Variants in SLIT1 observed in about 807,000 individuals in gnomAD.
SLIT1 encodes the protein slit guidance ligand 1.
Under a neutral mutation model 186.1 loss-of-function variants are expected in SLIT1, and 66 were observed. The observed-to-expected ratio is 0.35, with a 90% CI of 0.29 to 0.44. The LOEUF is 0.44. Among genes scored for constraint, SLIT1 ranks in the 20% least tolerant of loss-of-function variants. SLIT1 has a pLI of 1.00. For missense variants in SLIT1, 1,638 were observed against 2,037.4 expected, an observed-to-expected ratio of 0.80 and a Z score of 3.77; for synonymous variants, 761 against 833.8, an observed-to-expected ratio of 0.91 and a Z score of 1.50.
intron 4 of SLIT1, among the ~76,000 whole-genome samples, chr10:97,136,248 G>A (rs2817712): frequency 0.62 from 93,727 of 151,932 alleles, 29,360 homozygotes; most frequent in East Asian, 0.71. Flanking sequence ...GGCTGTACCC[G>A]TGGGAGGGCA....
At chr10:97,082,004 C>G (rs1230143537) in intron 4 of SLIT1, among the ~76,000 whole-genome samples, 2 of 152,248 alleles carry the variant, frequency 1.3e-5, no homozygotes, top group Non-Finnish European at 2.9e-5. Flanking sequence ...CCCAGAAAGA[C>G]AGGATAGCTC....
chr10:97,104,670 G>A (rs540133361), intron 4 of SLIT1, among the ~76,000 whole-genome samples: 150 of 151,964 alleles, frequency 9.9e-4, no homozygotes, highest in Non-Finnish European at 1.9e-3. Flanking sequence ...CACGTGCCCA[G>A]CTACAGCCTC....
chr10:97,003,590 C>T (rs79330566), intron 34 of SLIT1, among the ~76,000 whole-genome samples: 4,703 of 152,288 alleles, frequency 0.031, 108 homozygotes, highest in Non-Finnish European at 0.048. Context: ...GCAGCCTGCT[C>T]ATCAATACCG....
In SLIT1 at chr10:97,162,467, G is replaced by T. The variant is rs142513798; in HGVS notation, c.341+913C>A. Among the ~76,000 whole-genome samples the T allele has an allele frequency of 4.0e-3, 610 of 152,182 alleles. 5 individuals are homozygous for T. Among genetic ancestry groups the T allele is most frequent in the African/African-American group, 0.014 (580 of 41,498 alleles). On this transcript the variant is annotated intron_variant, in intron 3 of 36. Transcript: ENST00000266058. ...TCCATTAAAAATACAAAAACAATTA[G>T]CCAGGCGTGGTGGCATGCACCTGCA... is the stretch of plus-strand genomic sequence containing the variant.
At chr10:97,064,291 T>G in intron 6 of SLIT1, 52 bp from the exon 7 acceptor site, 1 of 1,498,120 alleles carries the variant, frequency 6.7e-7, no homozygotes, top group Non-Finnish European at 9.3e-7. Flanking sequence ...GGAGATGATG[T>G]GGGACAGGGC....
intron 4 of SLIT1, among the ~76,000 whole-genome samples, chr10:97,135,160 C>T (rs948172985): frequency 2.0e-5 from 3 of 152,216 alleles, no homozygotes; most frequent in Non-Finnish European, 4.4e-5. Flanking sequence ...GTCGAAGGCA[C>T]GGGCTTCACG....
chr10:97,166,224 GTT>G (rs1850103146), intron 1 of SLIT1, among the ~76,000 whole-genome samples: 1 of 151,996 alleles, frequency 6.6e-6, no homozygotes, highest in Non-Finnish European at 1.5e-5. Flanking sequence ...TTTAGAAAGT[GTT>G]TGGTCCGGCC....
chr10:97,181,502 T>C (rs2134748794), intron 1 of SLIT1, among the ~76,000 whole-genome samples: 1 of 152,066 alleles, frequency 6.6e-6, no homozygotes, highest in African/African-American at 2.4e-5. Context: ...ACAGCAGGCA[T>C]GGAGATAGGG....
intron 1 of SLIT1, among the ~76,000 whole-genome samples, chr10:97,166,557 A>AAGAGAGAGAG (rs796735405): frequency 0.16 from 8,501 of 52,652 alleles, 1,311 homozygotes; most frequent in East Asian, 0.28. Flanking sequence ...GAAGGAAGGA[A>AAGAGAGAGAG]AGAGAGAGAG....
At chr10:97,114,656 T>C (rs1849494222) in intron 4 of SLIT1, among the ~76,000 whole-genome samples, 1 of 152,112 alleles carries the variant, frequency 6.6e-6, no homozygotes, top group African/African-American at 2.4e-5. Flanking sequence ...AGACCCTGTC[T>C]CAGACAGAAA....
At chr10:97,045,208 TAA>T (rs879446847) in intron 18 of SLIT1, among the ~76,000 whole-genome samples, 1 of 137,876 alleles carries the variant, frequency 7.3e-6, no homozygotes. Context: ...ACATTGCTTA[TAA>T]AAAAAAAAAA....
chr10:97,121,790 A>G (rs1849562018), intron 4 of SLIT1, among the ~76,000 whole-genome samples: 1 of 152,206 alleles, frequency 6.6e-6, no homozygotes, highest in Non-Finnish European at 1.5e-5. Context: ...CTCATCAGCT[A>G]TAGTCCCGCT....
intron 3 of SLIT1, among the ~76,000 whole-genome samples, chr10:97,161,118 G>A (rs1850020181): frequency 6.6e-6 from 1 of 152,108 alleles, no homozygotes; most frequent in Non-Finnish European, 1.5e-5. Flanking sequence ...GGCGACCATT[G>A]AACTGACCAC....
At chr10:97,100,666 C>A (rs1282917573) in intron 4 of SLIT1, among the ~76,000 whole-genome samples, 1 of 151,992 alleles carries the variant, frequency 6.6e-6, no homozygotes, top group Non-Finnish European at 1.5e-5. Flanking sequence ...AATTGTTATT[C>A]ATTCATTAAA....
chr10:97,043,641 G>A lies in SLIT1; in HGVS notation c.1854-128C>T, dbSNP rs897116257. On this transcript the variant is annotated intron_variant, in intron 18 of 36. Transcript: ENST00000266058. This position sits in a 1 kb window ranked among gnomAD's most constrained non-coding sequence, Gnocchi z 7.0. Reference sequence around the variant, plus strand: ...CCATAGGCTGCGAGCCGCAGAGCCAGGAACACGCACCAGCCAGGCCCCGGC... The same window carrying A: ...CCATAGGCTGCGAGCCGCAGAGCCAAGAACACGCACCAGCCAGGCCCCGGC... 3 of 928,878 alleles carry A rather than the reference G, an allele frequency of 3.2e-6. No individual in the cohort carries two copies. Among genetic ancestry groups the A allele is most frequent in the African/African-American group, 3.3e-5 (2 of 61,294 alleles). The allele number at this position is 928,878 out of a possible 1,614,324, so 57.5% of individuals were successfully genotyped here.
chr10:97,137,354 A>G (rs891855281), intron 4 of SLIT1, among the ~76,000 whole-genome samples: 4 of 152,118 alleles, frequency 2.6e-5, no homozygotes, highest in African/African-American at 7.2e-5. Flanking sequence ...GTTTGGGGGG[A>G]AAAATATCTA....
At chr10:97,077,097 T>C (rs978036352) in intron 4 of SLIT1, among the ~76,000 whole-genome samples, 12 of 152,112 alleles carry the variant, frequency 7.9e-5, no homozygotes, top group African/African-American at 2.7e-4. Context: ...TGAGAGCCCA[T>C]CTCTCCAAAC....
intron 4 of SLIT1, among the ~76,000 whole-genome samples, chr10:97,111,779 T>C (rs1002869092): frequency 5.3e-5 from 8 of 152,192 alleles, no homozygotes; most frequent in African/African-American, 1.7e-4. Context: ...CACACACTTC[T>C]GTCTGCGCTC....
chr10:97,164,401 C>T (rs1362934498), intron 2 of SLIT1, among the ~76,000 whole-genome samples: 1 of 152,178 alleles, frequency 6.6e-6, no homozygotes, highest in Non-Finnish European at 1.5e-5. Context: ...TGGGAGAGAG[C>T]ATGGGCCTCC....
Sources: gnomAD v4.1 joint callset for allele counts (sites outside exome capture counted in the v4.1 genomes callset) on GRCh38, gnomAD v4.1.1 for gene constraint, Gnocchi (gnomAD v3.1) non-coding constraint, MANE v1.5 for transcripts, NCBI Gene and HGNC (gene_info 2026-07-23, HGNC 2026-07-21) for gene names.